Variants in EDA2R observed in about 807,000 individuals in gnomAD.
EDA2R encodes the protein tumor necrosis factor receptor superfamily member 27.
Under a neutral mutation model 20.1 loss-of-function variants are expected in EDA2R, and 26 were observed. The observed-to-expected ratio is 1.30, with a 90% confidence interval of 0.95 to 1.80. The LOEUF (loss-of-function observed/expected upper bound fraction) is 1.80. EDA2R is among the 40% of genes most tolerant of loss of function. EDA2R has a pLI of 0.00. For missense variants in EDA2R, 277 were observed against 228.7 expected, an observed-to-expected ratio of 1.21 and a Z score of -1.36; for synonymous variants, 114 against 88.7, an observed-to-expected ratio of 1.29 and a Z score of -1.60.
At chrX:66,617,478 T>C (rs1931914312) in intron 1 of EDA2R, among the ~76,000 whole-genome samples, 1 of 111,828 alleles carries the variant, frequency 8.9e-6, no homozygotes, top group Non-Finnish European at 1.9e-5. Context: ...ATAGCCTTCA[T>C]GACCAGGAAG....
chrX:66,630,150 G>A (rs1341074193), intron 1 of EDA2R, among the ~76,000 whole-genome samples: 3 of 111,610 alleles, frequency 2.7e-5, no homozygotes, highest in South Asian at 3.7e-4. Context: ...GTAGGAGAAC[G>A]AAACTGGAAT....
intron 1 of EDA2R, among the ~76,000 whole-genome samples, chrX:66,623,946 A>G (rs1015271964): frequency 1.8e-5 from 2 of 112,350 alleles, no homozygotes; most frequent in Admixed American, 9.4e-5. Context: ...AATCTTATGT[A>G]CTTTATTGCT....
At chrX:66,623,044 G>A (rs1171777112) in intron 1 of EDA2R, among the ~76,000 whole-genome samples, 4 of 111,759 alleles carry the variant, frequency 3.6e-5, no homozygotes, top group Non-Finnish European at 7.5e-5. Flanking sequence ...CTCAGTCTTG[G>A]TTGCACCTTG....
intron 1 of EDA2R, among the ~76,000 whole-genome samples, chrX:66,616,782 C>T (rs1414867418): frequency 8.9e-6 from 1 of 112,248 alleles, no homozygotes; most frequent in Non-Finnish European, 1.9e-5. Context: ...GTTCACCAAG[C>T]CTGGCTCTTA....
intron 1 of EDA2R, among the ~76,000 whole-genome samples, chrX:66,638,248 A>C (rs1350832225): frequency 2.7e-5 from 3 of 111,394 alleles, no homozygotes; most frequent in African/African-American, 9.8e-5. Context: ...GGTGAAGAAA[A>C]GAACAGAGGA....
chrX:66,599,390 A>C, intron 6 of EDA2R, 84 bp downstream of exon 6: 1 of 1,021,048 alleles, frequency 9.8e-7, no homozygotes, highest in South Asian at 2.6e-5. Context: ...GAATAATACT[A>C]TTCCAAAAGA....
intron 1 of EDA2R, among the ~76,000 whole-genome samples, chrX:66,620,765 A>T (rs894185888): frequency 9.1e-6 from 1 of 110,110 alleles, no homozygotes; most frequent in Non-Finnish European, 1.9e-5. Flanking sequence ...ATATCTGATA[A>T]GAGACTTGTA....
chrX:66,625,837 G>A (rs1933015774), intron 1 of EDA2R, among the ~76,000 whole-genome samples: 1 of 112,156 alleles, frequency 8.9e-6, no homozygotes, highest in Admixed American at 9.4e-5. Context: ...TCACATCACA[G>A]GACTCTGTGC....
At chrX:66,630,748 T>C (rs58664856) in intron 1 of EDA2R, among the ~76,000 whole-genome samples, 6,824 of 108,245 alleles carry the variant, frequency 0.063, 567 homozygotes, top group African/African-American at 0.22. Context: ...CTGGTGGAAA[T>C]GTAAACTAGT....
intron 2 of EDA2R, among the ~76,000 whole-genome samples, chrX:66,614,376 G>A (rs1316287128): frequency 1.8e-5 from 2 of 111,788 alleles, no homozygotes; most frequent in Non-Finnish European, 3.8e-5. Flanking sequence ...ATATACTTAT[G>A]GTTCATGTCA....
chrX:66,610,945 T>C, intron 2 of EDA2R, among the ~76,000 whole-genome samples: 1 of 111,137 alleles, frequency 9.0e-6, no homozygotes, highest in Non-Finnish European at 1.9e-5. Context: ...TTCCCCCACA[T>C]AGGAACAGGT....
chrX:66,616,050 G>A lies in EDA2R; in HGVS notation c.-10-20C>T. On this transcript the variant is annotated intron_variant, in intron 1 of 6. Coordinates refer to ENST00000374719, the MANE Select transcript of EDA2R (RefSeq NM_021783.5). ...GGAAGGCTGTGGGTAGAGAACACAA[G>A]AACTAGCAAGCTAGTGGGAAGGGAC... 9.1e-7 allele frequency: 1 copy of A among 1,103,932 alleles called. No individual in the cohort carries two copies. The allele number at this position is 1,103,932 out of a possible 1,213,427, so 91.0% of individuals were successfully genotyped here.
chrX:66,609,483 AG>A (rs1212159418), intron 2 of EDA2R, among the ~76,000 whole-genome samples: 1 of 111,674 alleles, frequency 9.0e-6, no homozygotes, highest in Non-Finnish European at 1.9e-5. Context: ...GAAAAGTTAA[AG>A]GGTTTCTTGG....
chrX:66,605,118 C>A lies in EDA2R; in HGVS notation c.196G>T (p.Val66Phe). Residue 66 changes from valine to phenylalanine, a missense_variant, in exon 3 of 7, where the codon GTC becomes TTC. By Grantham distance (50) the Val-to-Phe change is conservative. Transcript: ENST00000374719. ...HRCQSCITCA[V>F]INRVQKVNCT... ...TTGACCTTCTGAACACGATTGATGA[C>A]AGCACAGGTGATGCAACTCTGACAT... 1 of 1,209,572 alleles carries A rather than the reference C, an allele frequency of 8.3e-7. No individual in the cohort carries two copies. Among genetic ancestry groups the A allele is most frequent in the Non-Finnish European group, 1.1e-6 (1 of 894,464 alleles).
chrX:66,632,490 AGAAG>A (rs1007322478), intron 1 of EDA2R, among the ~76,000 whole-genome samples: 10 of 108,698 alleles, frequency 9.2e-5, no homozygotes, highest in Non-Finnish European at 1.5e-4. Context: ...GAAGGAAGAA[AGAAG>A]GAAGAAGGAA....
chrX:66,621,463 A>G (rs764837389), intron 1 of EDA2R, among the ~76,000 whole-genome samples: 1 of 112,526 alleles, frequency 8.9e-6, no homozygotes, highest in East Asian at 2.8e-4. Context: ...TGTTCCTAGC[A>G]GCATTATTTA....
intron 1 of EDA2R, among the ~76,000 whole-genome samples, chrX:66,616,334 A>T (rs1043806455): frequency 8.9e-6 from 1 of 112,618 alleles, no homozygotes; most frequent in Non-Finnish European, 1.9e-5. Flanking sequence ...GCTCAAATTC[A>T]CAGTCAGTGG....
chrX:66,609,682 T>C (rs953222871), intron 2 of EDA2R, among the ~76,000 whole-genome samples: 6 of 111,945 alleles, frequency 5.4e-5, no homozygotes, highest in African/African-American at 1.3e-4. Context: ...GGGCAAGTCA[T>C]TGGGCCTGAA....
At chrX:66,599,917 T>G in intron 5 of EDA2R, 57 bp from the exon 6 acceptor site, 2 of 1,169,075 alleles carry the variant, frequency 1.7e-6, no homozygotes, top group Non-Finnish European at 2.3e-6. Flanking sequence ...TCTTCTCAGC[T>G]GGGCACTGGG....
Sources: gnomAD v4.1 joint callset for allele counts (sites outside exome capture counted in the v4.1 genomes callset) on GRCh38, gnomAD v4.1.1 for gene constraint, MANE v1.5 for transcripts, NCBI Gene and HGNC (gene_info 2026-07-23, HGNC 2026-07-21) for gene names.